Variants in STK39 observed in about 807,000 individuals in gnomAD.
The protein encoded by STK39 is serine/threonine kinase 39.
Under a neutral mutation model 77.8 loss-of-function variants are expected in STK39, and 20 were observed. The ratio of observed to expected loss-of-function variants is 0.26; its 90% CI spans 0.18 to 0.37. STK39 has a LOEUF of 0.37. Among genes scored for constraint, STK39 ranks in the 10% least tolerant of loss-of-function variants. The pLI, the probability that STK39 is intolerant of heterozygous loss-of-function variation, is 1.00. For missense variants in STK39, 479 were observed against 656.5 expected, an observed-to-expected ratio of 0.73 and a Z score of 2.95; for synonymous variants, 246 against 234.1, an observed-to-expected ratio of 1.05 and a Z score of -0.47.
chr2:168,070,121 C>G (rs13390079), intron 12 of STK39, among the ~76,000 whole-genome samples: 4 of 151,940 alleles, frequency 2.6e-5, no homozygotes, highest in Non-Finnish European at 5.9e-5. Flanking sequence ...TAACCTAAGA[C>G]GCTATATAAG....
intron 10 of STK39, among the ~76,000 whole-genome samples, chr2:168,102,083 T>C (rs1303134279): frequency 6.6e-6 from 1 of 152,042 alleles, no homozygotes; most frequent in Non-Finnish European, 1.5e-5. Context: ...TTGGGTTGTG[T>C]CCACTTTGGG....
chr2:167,972,816 T>C (rs1277347297), intron 16 of STK39, among the ~76,000 whole-genome samples: 3 of 152,134 alleles, frequency 2.0e-5, no homozygotes, highest in Non-Finnish European at 4.4e-5. Flanking sequence ...GTTTTCCTCA[T>C]GGAACCCCAG....
chr2:167,972,447 G>A (rs1011795253), intron 16 of STK39, among the ~76,000 whole-genome samples: 5 of 152,122 alleles, frequency 3.3e-5, no homozygotes, highest in African/African-American at 1.2e-4. Flanking sequence ...AGGTTCTTGG[G>A]AGCTTGATCT....
At chr2:168,087,632 GC>G (rs1686404151) in intron 10 of STK39, among the ~76,000 whole-genome samples, 1 of 152,136 alleles carries the variant, frequency 6.6e-6, no homozygotes, top group Non-Finnish European at 1.5e-5. Flanking sequence ...TGCCTAGACC[GC>G]CCCCATAAAT....
chr2:168,009,236 T>C (rs1381722692), intron 16 of STK39, among the ~76,000 whole-genome samples: 1 of 152,124 alleles, frequency 6.6e-6, no homozygotes, highest in Non-Finnish European at 1.5e-5. Flanking sequence ...CATATTCATA[T>C]GCTGGTGGGA....
At chr2:168,210,026 A>AAGGAAGGAAGG (rs1553542097) in intron 1 of STK39, among the ~76,000 whole-genome samples, 2 of 64,708 alleles carry the variant, frequency 3.1e-5, no homozygotes. Context: ...GAAAGAAAGG[A>AAGGAAGGAAGG]AAGAAAGGAA....
At chr2:168,115,255 C>A (rs1029354460) in intron 10 of STK39, among the ~76,000 whole-genome samples, 3 of 152,070 alleles carry the variant, frequency 2.0e-5, no homozygotes, top group Non-Finnish European at 4.4e-5. Context: ...TATTAAATAC[C>A]ATATGCTAGG....
At chr2:167,980,122 GCCAAATGTT>G (rs1683375766) in intron 16 of STK39, among the ~76,000 whole-genome samples, 1 of 152,126 alleles carries the variant, frequency 6.6e-6, no homozygotes, top group Non-Finnish European at 1.5e-5. Context: ...AAAACAGTGG[GCCAAATGTT>G]CTGCAATATA....
chr2:168,210,520 GTTGTT>G (rs539749544), intron 1 of STK39, among the ~76,000 whole-genome samples: 146 of 152,106 alleles, frequency 9.6e-4, no homozygotes, highest in Admixed American at 3.1e-3. Context: ...ATCAAACTTT[GTTGTT>G]TTGTTTTGTT....
At position 168,205,053 on chromosome 2, in the gene STK39, G is replaced by C. The variant is rs551991204; in HGVS notation, c.209-22963C>G. ...AAGATGGATCAATGGATGAATAGAG[G>C]GGGTGGAGAGATGAACAGGTAAGTG... On this transcript the variant is annotated intron_variant, in intron 1 of 17. Transcript: ENST00000355999. 9.8e-5 allele frequency among the ~76,000 whole-genome samples: 15 copies of C among 152,322 alleles called. No individual in the cohort carries two copies. The South Asian group carries it at 2.1e-3, about 21-fold the overall frequency.
chr2:168,221,529 A>T (rs1305637591), intron 1 of STK39, among the ~76,000 whole-genome samples: 2 of 152,212 alleles, frequency 1.3e-5, no homozygotes, highest in Admixed American at 6.5e-5. Flanking sequence ...TCCGCAAGAC[A>T]GAATAGATGG....
chr2:168,218,652 G>A (rs1433370110), intron 1 of STK39, among the ~76,000 whole-genome samples: 3 of 152,112 alleles, frequency 2.0e-5, no homozygotes. Flanking sequence ...CTTTCCAAAA[G>A]TAATTCCAGC....
Position 168,012,618 on chromosome 2 carries a change from C to T in STK39, c.1498+16G>A. The T allele has an allele frequency of 6.2e-7, 1 of 1,611,426 alleles. No homozygotes were observed. The highest frequency in any genetic ancestry group is 8.5e-7 in the Non-Finnish European group (1 of 1,178,622). The stretch of plus-strand genomic sequence containing the variant: ...TATACCAACAAAATGACAGTGCATA[C>T]TAAAAAACAATTTACCTATAACTAC... On this transcript the variant is annotated intron_variant, in intron 16 of 17. Coordinates refer to ENST00000355999, the MANE Select transcript of STK39 (RefSeq NM_013233.3).
Position 167,964,527 on chromosome 2 carries a change from C to T in STK39, c.1563+135G>A. 4 of 822,186 alleles carry T rather than the reference C, an allele frequency of 4.9e-6. No individual in the cohort carries two copies. The South Asian group carries it at 6.5e-5, about 13-fold the overall frequency. The allele number at this position is 822,186 out of a possible 1,614,324, so 50.9% of individuals were successfully genotyped here. A position where few individuals can be genotyped will look rare whatever the true frequency, so the allele number is the denominator to read the frequency against. Reference sequence around the variant, plus strand: ...CCTAACGCTGCAGAGTCAAATGCTTCCAAATGCAAAAATTGATTCTAAAAG... The same window carrying T: ...CCTAACGCTGCAGAGTCAAATGCTTTCAAATGCAAAAATTGATTCTAAAAG... On this transcript the variant is annotated intron_variant, in intron 17 of 17. Transcript: ENST00000355999.
chr2:168,197,592 T>A (rs1689503844), intron 1 of STK39, among the ~76,000 whole-genome samples: 1 of 152,196 alleles, frequency 6.6e-6, no homozygotes, highest in Non-Finnish European at 1.5e-5. Flanking sequence ...ATCTTACAAA[T>A]GGGTATTCAT....
At chr2:168,142,622 G>A (rs1290427054) in intron 5 of STK39, among the ~76,000 whole-genome samples, 1 of 152,086 alleles carries the variant, frequency 6.6e-6, no homozygotes, top group Non-Finnish European at 1.5e-5. Flanking sequence ...TTAGAAAACA[G>A]CCGAAAAAGA....
chr2:168,195,327 GA>G (rs1299299369), intron 1 of STK39, among the ~76,000 whole-genome samples: 1 of 152,142 alleles, frequency 6.6e-6, no homozygotes, highest in African/African-American at 2.4e-5. Context: ...TTGAGCAGAG[GA>G]AGTTGAGGTT....
chr2:168,213,189 A>T (rs1689936336), intron 1 of STK39, among the ~76,000 whole-genome samples: 3 of 152,260 alleles, frequency 2.0e-5, no homozygotes, highest in African/African-American at 7.2e-5. Context: ...AATCATAAGA[A>T]CATAGCGCTG....
In STK39 at chr2:168,052,583, C is replaced by T. The variant is rs547245856; in HGVS notation, c.1376+10917G>A. 5.3e-5 allele frequency among the ~76,000 whole-genome samples: 8 copies of T among 152,120 alleles called. No individual in the cohort carries two copies. In the East Asian group the frequency reaches 7.7e-4, roughly 15 times the overall value. ...GCATCTTGATATTGTTTGTAAAATA[C>T]GCCTTTCATTAAAAATCATTCAGTT... On this transcript the variant is annotated intron_variant, in intron 14 of 17. Transcript: ENST00000355999.
Sources: allele counts gnomAD v4.1 joint callset (sites outside exome capture counted in the v4.1 genomes callset), GRCh38; gene constraint gnomAD v4.1.1; transcripts MANE v1.5; gene names NCBI Gene and HGNC (gene_info 2026-07-23, HGNC 2026-07-21).